The following SEMA3A variants were observed in gnomAD, a reference collection of about 807,000 sequenced individuals.
The protein encoded by SEMA3A is semaphorin-3A.
SEMA3A carries 29 observed loss-of-function variants against 97.9 expected under a neutral mutation model. That is an observed-to-expected ratio of 0.30 (90% CI 0.22 to 0.40). The LOEUF (loss-of-function observed/expected upper bound fraction) is 0.40, where lower values mean the gene tolerates loss of function less well. Among genes scored for constraint, SEMA3A ranks in the 10% least tolerant of loss-of-function variants. The pLI, the probability that SEMA3A is intolerant of heterozygous loss-of-function variation, is 1.00. For missense variants in SEMA3A, 763 were observed against 951.3 expected (o/e 0.80, Z 2.60); for synonymous variants, 321 against 323.7 (o/e 0.99, Z 0.09).
chr7:84,098,589 G>T (rs981055656), intron 4 of SEMA3A, among the ~76,000 whole-genome samples: 1 of 152,040 alleles, frequency 6.6e-6, no homozygotes, highest in Non-Finnish European at 1.5e-5. Flanking sequence ...CACTGCCAAG[G>T]AATTTTACCA....
chr7:83,990,076 G>A (rs1329923251), intron 12 of SEMA3A, among the ~76,000 whole-genome samples: 1 of 151,888 alleles, frequency 6.6e-6, no homozygotes, highest in Non-Finnish European at 1.5e-5. Flanking sequence ...CAGTGATGAT[G>A]AGCATTTTTT....
intron 2 of SEMA3A, among the ~76,000 whole-genome samples, chr7:84,325,960 G>A (rs1801766283): frequency 6.6e-6 from 1 of 151,994 alleles, no homozygotes; most frequent in Non-Finnish European, 1.5e-5. Context: ...GCTTCTGTAA[G>A]TTTACCTTTT....
chr7:84,465,475 T>C (rs1805967341), intron 1 of SEMA3A, among the ~76,000 whole-genome samples: 1 of 152,190 alleles, frequency 6.6e-6, no homozygotes. Context: ...TTGTATTTAT[T>C]CATATGTGTT....
intron 3 of SEMA3A, among the ~76,000 whole-genome samples, chr7:84,216,588 A>C (rs1383866852): frequency 6.6e-6 from 1 of 152,162 alleles, no homozygotes. Flanking sequence ...AAGTTATGCC[A>C]CTGAAAATAA....
intron 2 of SEMA3A, among the ~76,000 whole-genome samples, chr7:84,349,788 T>C (rs1322348735): frequency 1.3e-5 from 2 of 152,222 alleles, no homozygotes; most frequent in African/African-American, 4.8e-5. Context: ...TAGCTTGTCT[T>C]AGAATAAGTT....
At chr7:84,134,987 G>A (rs765935253) in intron 1 of SEMA3A, 36 bp from the exon 2 acceptor site, 5 of 1,585,724 alleles carry the variant, frequency 3.2e-6, no homozygotes, top group Non-Finnish European at 4.3e-6. Context: ...GGGTATTAAT[G>A]TGAAGCACTA....
At chr7:84,492,225 A>G (rs1170860716) in intron 1 of SEMA3A, among the ~76,000 whole-genome samples, 2 of 152,170 alleles carry the variant, frequency 1.3e-5, no homozygotes, top group Non-Finnish European at 2.9e-5. Context: ...TAACAGTATT[A>G]TTAGCACCAC....
intron 3 of SEMA3A, among the ~76,000 whole-genome samples, chr7:84,244,565 T>C (rs1298664711): frequency 3.3e-5 from 5 of 152,190 alleles, no homozygotes; most frequent in Admixed American, 6.5e-5. Flanking sequence ...TGTCTTTTAA[T>C]TGGGGCATTT....
chr7:84,332,165 A>C (rs1801924073), intron 2 of SEMA3A, among the ~76,000 whole-genome samples: 1 of 152,144 alleles, frequency 6.6e-6, no homozygotes, highest in Non-Finnish European at 1.5e-5. Context: ...TAGGTCATTG[A>C]ATCATGTGAT....
chr7:84,349,987 T>G (rs1476568367), intron 2 of SEMA3A, among the ~76,000 whole-genome samples: 2 of 151,678 alleles, frequency 1.3e-5, no homozygotes, highest in Non-Finnish European at 2.9e-5. Flanking sequence ...ATATCCAAAT[T>G]GGAAAAAAAA....
chr7:84,369,858 C>G (rs1442082740), intron 2 of SEMA3A, among the ~76,000 whole-genome samples: 5 of 147,774 alleles, frequency 3.4e-5, no homozygotes, highest in Non-Finnish European at 6.0e-5. Context: ...ATAAATATTA[C>G]TAATTTTCTT....
chr7:84,258,861 T>A (rs949522606), intron 3 of SEMA3A, among the ~76,000 whole-genome samples: 2 of 152,232 alleles, frequency 1.3e-5, no homozygotes, highest in African/African-American at 4.8e-5. Context: ...ACTTGTCTTA[T>A]TCCAAAACCA....
intron 6 of SEMA3A, among the ~76,000 whole-genome samples, chr7:84,044,970 A>G (rs1013131050): frequency 6.6e-6 from 1 of 152,064 alleles, no homozygotes; most frequent in Non-Finnish European, 1.5e-5. Flanking sequence ...ATTATAGGAC[A>G]TTCAGAAATG....
intron 6 of SEMA3A, among the ~76,000 whole-genome samples, chr7:84,035,122 G>A (rs910151907): frequency 1.3e-5 from 2 of 151,734 alleles, no homozygotes; most frequent in East Asian, 3.9e-4. Context: ...CCATCTATAA[G>A]ACATGTTATA....
intron 2 of SEMA3A, among the ~76,000 whole-genome samples, chr7:84,368,712 A>G (rs939110751): frequency 6.6e-6 from 1 of 150,944 alleles, no homozygotes; most frequent in African/African-American, 2.4e-5. Context: ...TGTTAATTCT[A>G]TATAAGTAAT....
chr7:83,970,068 G>A (rs1317691553), intron 15 of SEMA3A, among the ~76,000 whole-genome samples: 1 of 152,006 alleles, frequency 6.6e-6, no homozygotes, highest in Non-Finnish European at 1.5e-5. Context: ...GATTCCCCAC[G>A]GGTTCAACCA....
At chr7:84,382,913 G>C (rs114127913) in intron 1 of SEMA3A, among the ~76,000 whole-genome samples, 3,900 of 151,676 alleles carry the variant, frequency 0.026, 160 homozygotes, top group African/African-American at 0.088. Context: ...GTTGTGTATG[G>C]ATTTCCCATA....
chr7:84,453,540 C>T (rs1217109703), intron 1 of SEMA3A, among the ~76,000 whole-genome samples: 2 of 152,084 alleles, frequency 1.3e-5, no homozygotes, highest in Non-Finnish European at 2.9e-5. Flanking sequence ...CCGGCCGAGA[C>T]TTTGTTTCTA....
chr7:84,370,815 C>T (rs1398623395), intron 2 of SEMA3A, among the ~76,000 whole-genome samples: 1 of 151,400 alleles, frequency 6.6e-6, no homozygotes, highest in Non-Finnish European at 1.5e-5. Context: ...ATTACATAAA[C>T]CACAAGTTAA....
Sources: allele counts gnomAD v4.1 joint callset (sites outside exome capture counted in the v4.1 genomes callset), GRCh38; gene constraint gnomAD v4.1.1; transcripts MANE v1.5; gene names NCBI Gene and HGNC (gene_info 2026-07-23, HGNC 2026-07-21).